TMTC1: variants seen among roughly 807,000 people sequenced by gnomAD.
The protein encoded by TMTC1 is protein O-mannosyl-transferase TMTC1.
Under a neutral mutation model 104.8 loss-of-function variants are expected in TMTC1, and 73 were observed. That is an observed-to-expected ratio of 0.70 (90% CI 0.58 to 0.85). TMTC1 has a LOEUF of 0.85. TMTC1 is among the 40% of genes least tolerant of loss of function. The pLI is 0.00. For synonymous variants in TMTC1, 434 were observed against 428.7 expected, an observed-to-expected ratio of 1.01 and a Z score of -0.15; for missense variants, 1,035 against 1,096.1, an observed-to-expected ratio of 0.94 and a Z score of 0.79.
rs370041904 is a variant in TMTC1 at position 29,646,697 on chromosome 12, C to T, written c.939-13361G>A. 1.2e-4 allele frequency among the ~76,000 whole-genome samples: 19 copies of T among 152,266 alleles called. No homozygotes were observed. The South Asian group carries it at 3.9e-3, about 32-fold the overall frequency. On this transcript the variant is annotated intron_variant, in intron 5 of 17. Coordinates refer to ENST00000539277, the MANE Select transcript of TMTC1 (RefSeq NM_001193451.2). The stretch of plus-strand genomic sequence containing the variant: ...AACTACGCTCATTGACCTTGATAAT[C>T]TCTTTCATCCCCAAAAAGCTATTTT...
chr12:29,625,995 T>G (rs1937969691), intron 6 of TMTC1, among the ~76,000 whole-genome samples: 1 of 152,226 alleles, frequency 6.6e-6, no homozygotes, highest in African/African-American at 2.4e-5. Flanking sequence ...AGCACAGTGC[T>G]TTTCAAGCCT....
intron 13 of TMTC1, 114 bp downstream of exon 13, chr12:29,518,358 A>G: frequency 7.7e-7 from 1 of 1,293,472 alleles, no homozygotes; most frequent in Non-Finnish European, 1.0e-6. Context: ...TATCACCTGA[A>G]TTGGCAAAAT....
At chr12:29,542,862 C>A (rs1026448277) in intron 10 of TMTC1, among the ~76,000 whole-genome samples, 5 of 151,948 alleles carry the variant, frequency 3.3e-5, no homozygotes, top group Non-Finnish European at 5.9e-5. Context: ...GGTAATACTG[C>A]AATGAAAAGA....
intron 5 of TMTC1, among the ~76,000 whole-genome samples, chr12:29,673,968 A>T (rs1379097772): frequency 6.6e-6 from 1 of 151,992 alleles, no homozygotes; most frequent in Non-Finnish European, 1.5e-5. Flanking sequence ...CAGGTTGGTC[A>T]GGCTGGTCTC....
intron 14 of TMTC1, among the ~76,000 whole-genome samples, chr12:29,516,859 G>A (rs1944002626): frequency 6.6e-6 from 1 of 152,208 alleles, no homozygotes; most frequent in African/African-American, 2.4e-5. Flanking sequence ...AAAAGGATGA[G>A]TGAAGTTCCA....
intron 9 of TMTC1, among the ~76,000 whole-genome samples, chr12:29,570,868 A>G (rs1397121601): frequency 2.6e-5 from 2 of 76,586 alleles, no homozygotes; most frequent in Non-Finnish European, 5.7e-5. Flanking sequence ...AACAAAACAA[A>G]AAAAACAGAA....
In TMTC1 at chr12:29,711,246, T is replaced by C. The variant is rs139090285; in HGVS notation, c.938+40420A>G. Among the ~76,000 whole-genome samples, 1,442 of 152,086 alleles carry C rather than the reference T, an allele frequency of 9.5e-3. 24 individuals are homozygous for C. The highest frequency in any genetic ancestry group is 0.031 in the African/African-American group (1,265 of 41,470). On this transcript the variant is annotated intron_variant, in intron 5 of 17. Transcript: ENST00000539277. ...CTTCTGCCTCAGATTCCCAAAATAC[T>C]GGGATTATCCACTTGAGCCACTGCA...
At chr12:29,687,355 A>G (rs2136741188) in intron 5 of TMTC1, among the ~76,000 whole-genome samples, 1 of 152,268 alleles carries the variant, frequency 6.6e-6, no homozygotes, top group East Asian at 1.9e-4. Flanking sequence ...ATCATGAGTA[A>G]ATAACCAGAC....
intron 5 of TMTC1, among the ~76,000 whole-genome samples, chr12:29,671,160 G>C (rs1250919043): frequency 6.6e-6 from 1 of 150,980 alleles, no homozygotes; most frequent in Non-Finnish European, 1.5e-5. Flanking sequence ...GCTGGGTGTG[G>C]TGGCATGTGC....
chr12:29,523,435 TG>T (rs1165401135), intron 11 of TMTC1, among the ~76,000 whole-genome samples: 1 of 152,220 alleles, frequency 6.6e-6, no homozygotes. Context: ...CTGTCTTGAT[TG>T]GCTGATTGGT....
chr12:29,529,308 G>A (rs934486406), intron 11 of TMTC1, among the ~76,000 whole-genome samples: 7 of 152,104 alleles, frequency 4.6e-5, no homozygotes, highest in African/African-American at 1.7e-4. Flanking sequence ...CTACTGTATA[G>A]AGGTGTAGAG....
chr12:29,609,929 T>C (rs1946800779), intron 6 of TMTC1: 1 of 152,382 alleles, frequency 6.6e-6, no homozygotes, highest in African/African-American at 2.4e-5. Context: ...GTCTCGCCTA[T>C]CTACAGGCAC....
At chr12:29,539,018 C>T (rs1234584597) in intron 10 of TMTC1, among the ~76,000 whole-genome samples, 1 of 151,946 alleles carries the variant, frequency 6.6e-6, no homozygotes, top group Non-Finnish European at 1.5e-5. Flanking sequence ...AAAGAAAGCC[C>T]AATAAGTTGA....
chr12:29,574,480 A>G (rs957772686), intron 8 of TMTC1, among the ~76,000 whole-genome samples: 1 of 152,204 alleles, frequency 6.6e-6, no homozygotes, highest in Non-Finnish European at 1.5e-5. Context: ...GGCTGCCATA[A>G]CAAAACACAA....
chr12:29,756,086 G>T (rs1019391772), intron 3 of TMTC1, among the ~76,000 whole-genome samples: 15 of 152,192 alleles, frequency 9.9e-5, no homozygotes, highest in African/African-American at 3.4e-4. Context: ...ACTACGGTAT[G>T]TAACAAACAA....
intron 7 of TMTC1, among the ~76,000 whole-genome samples, chr12:29,590,501 G>C (rs11837554): frequency 4.6e-5 from 7 of 151,962 alleles, no homozygotes; most frequent in Non-Finnish European, 1.0e-4. Flanking sequence ...AAAAATCCAC[G>C]TGTGGCCAGG....
At chr12:29,710,949 T>TATAAATATATTAATAATATATAA (rs1941906289) in intron 5 of TMTC1, among the ~76,000 whole-genome samples, 1 of 71,672 alleles carries the variant, frequency 1.4e-5, no homozygotes, top group African/African-American at 3.9e-5. Flanking sequence ...TATATAAATA[T>TATAAATATATTAATAATATATAA]ATATATAAAT....
intron 5 of TMTC1, among the ~76,000 whole-genome samples, chr12:29,731,482 A>G (rs921833953): frequency 6.6e-6 from 1 of 152,220 alleles, no homozygotes; most frequent in African/African-American, 2.4e-5. Flanking sequence ...GTAACAGCAA[A>G]GCAGTAGAGA....
At chr12:29,768,895 C>A (rs991753075) in intron 1 of TMTC1, among the ~76,000 whole-genome samples, 5 of 152,156 alleles carry the variant, frequency 3.3e-5, no homozygotes, top group Non-Finnish European at 5.9e-5. Flanking sequence ...AATTTAATAA[C>A]AGGACATAAT....
Sources: allele counts gnomAD v4.1 joint callset (sites outside exome capture counted in the v4.1 genomes callset), GRCh38; gene constraint gnomAD v4.1.1; transcripts MANE v1.5; gene names NCBI Gene and HGNC (gene_info 2026-07-23, HGNC 2026-07-21).